Variants in ERBB3 observed in about 807,000 individuals in gnomAD.
The protein encoded by ERBB3 is erb-b2 receptor tyrosine kinase 3, also known as receptor tyrosine-protein kinase erbB-3.
In ERBB3, 96 loss-of-function variants were observed where a neutral mutation model predicts 156.7. That is an observed-to-expected ratio of 0.61 (90% confidence interval 0.52 to 0.73). ERBB3 has a LOEUF of 0.73. Ranked by LOEUF, ERBB3 falls within the 30% of genes least tolerant of loss-of-function variation. The pLI is 0.00. For missense variants in ERBB3, 1,406 were observed against 1,709.4 expected, an observed-to-expected ratio of 0.82 and a Z score of 3.13; for synonymous variants, 567 against 632.0, an observed-to-expected ratio of 0.90 and a Z score of 1.54.
chr12:56,100,917 C>T (rs1319818193), intron 26 of ERBB3, 144 bp from the exon 27 acceptor site: 19 of 673,360 alleles, frequency 2.8e-5, no homozygotes, highest in South Asian at 7.7e-5. Context: ...CCAGCCTGGG[C>T]GACAAGAACA....
At chr12:56,080,448 G>A in intron 1 of ERBB3, 66 bp downstream of exon 1, 4 of 1,291,318 alleles carry the variant, frequency 3.1e-6, no homozygotes, top group Non-Finnish European at 4.4e-6. Context: ...GCGCAGCCTC[G>A]GAGGGTATGG....
Position 56,086,511 on chromosome 12 carries a change from C to T in ERBB3, c.422-20C>T. 1 of 1,613,894 alleles carries T rather than the reference C, an allele frequency of 6.2e-7. No homozygotes were observed. The highest frequency in any genetic ancestry group is 8.5e-7 in the Non-Finnish European group (1 of 1,179,898). ...GTTCCGCTGCGGCCCTTAACCCTGTCACTTCTTTCCCTACCTCAGAGATTC... is the reference window on the plus strand; with the variant it reads ...GTTCCGCTGCGGCCCTTAACCCTGTTACTTCTTTCCCTACCTCAGAGATTC... On this transcript the variant is annotated intron_variant, in intron 3 of 27. Transcript: ENST00000267101.
intron 9 of ERBB3, among the ~76,000 whole-genome samples, chr12:56,091,283 T>TATATATATAATATATATAAATATAA (rs1565858486): frequency 1.4e-4 from 7 of 51,762 alleles, no homozygotes; most frequent in Non-Finnish European, 3.0e-4. Context: ...TATATATATA[T>TATATATATAATATATATAAATATAA]ATATATATAT....
Position 56,087,862 on chromosome 12 carries a change from C to T in ERBB3, c.681C>T (p.Cys227=), listed in dbSNP as rs2136794134. Residue 227 remains cysteine, a synonymous_variant, in exon 6 of 28, where the codon TGC becomes TGT. Coordinates refer to ENST00000267101, the MANE Select transcript of ERBB3 (RefSeq NM_001982.4). ...TTGGGCCCAACCCCAACCAGTGCTG[C>T]CATGATGAGTGTGCCGGGGGCTGCT... ...HCFGPNPNQC[C]HDECAGGCSG... The T allele has an allele frequency of 6.2e-7, 1 of 1,614,176 alleles. No homozygotes were observed. Among genetic ancestry groups the T allele is most frequent in the Non-Finnish European group, 8.5e-7 (1 of 1,180,032 alleles).
At chr12:56,086,819 G>A in intron 4 of ERBB3, 163 bp downstream of exon 4, 1 of 815,982 alleles carries the variant, frequency 1.2e-6, no homozygotes. Context: ...CCAGTCTCCT[G>A]GAATCTAAAC....
chr12:56,101,483 C>T lies in ERBB3; in HGVS notation c.3503-46C>T, dbSNP rs781557723. ...TTAATTTTTTCAAACTTTCCCCTAC[C>T]CTCATGAAGTTCTTCACATACCTAG... is the stretch of plus-strand genomic sequence containing the variant. On this transcript the variant is annotated intron_variant, in intron 27 of 27. Coordinates refer to ENST00000267101, the MANE Select transcript of ERBB3 (RefSeq NM_001982.4). 3.1e-6 allele frequency: 5 copies of T among 1,606,230 alleles called. No individual in the cohort carries two copies. The East Asian group carries it at 8.9e-5, about 29-fold the overall frequency.
Position 56,103,377 on chromosome 12 carries a change from A to T in ERBB3, c.*1322A>T, listed in dbSNP as rs961227854. On this transcript the variant is annotated 3_prime_UTR_variant, in exon 28 of 28. Coordinates refer to ENST00000267101, the MANE Select transcript of ERBB3 (RefSeq NM_001982.4). ...GAAGCTTCCAGGTAGGACAGAAAAA[A>T]GATCCAGCTTCAGCTGCACACCTCT... 137 of 218,446 alleles carry T rather than the reference A, an allele frequency of 6.3e-4. 2 individuals are homozygous for T. The highest frequency in any genetic ancestry group is 6.4e-5 in the Non-Finnish European group (7 of 108,764). The allele number at this position is 218,446 out of a possible 1,614,324, so 13.5% of individuals were successfully genotyped here.
At chr12:56,080,132 A>C, upstream of ERBB3, 1 of 657,248 alleles carries the variant, frequency 1.5e-6, no homozygotes, top group Non-Finnish European at 2.8e-6. Context: ...CTCCCCTGCC[A>C]TCCCTCCCCG....
At chr12:56,087,472 G>T in intron 4 of ERBB3, 105 bp from the exon 5 acceptor site, 1 of 1,002,370 alleles carries the variant, frequency 1.0e-6, no homozygotes, top group Non-Finnish European at 1.6e-6. Flanking sequence ...CTGGCTTTTT[G>T]CTTCCCGGGA....
Position 56,099,937 on chromosome 12 carries a change from CTAGACT to C in ERBB3, c.3039_3044del (p.Asp1014_Leu1015del), listed in dbSNP as rs1182151415. ...GCTGGAGCCAGAACTAGACCTAGAC[CTAGACT>C]TGGAAGCAGAGGAGGACAACCTGGC... is the stretch of plus-strand genomic sequence containing the variant. On this transcript the variant is annotated inframe_deletion, in exon 25 of 28. Coordinates refer to ENST00000267101, the MANE Select transcript of ERBB3 (RefSeq NM_001982.4). The C allele has an allele frequency of 1.2e-6, 2 of 1,614,198 alleles. No homozygotes were observed. Among genetic ancestry groups the C allele is most frequent in the Non-Finnish European group, 8.5e-7 (1 of 1,180,026 alleles).
At chr12:56,084,955 C>G in intron 2 of ERBB3, 40 bp from the exon 3 acceptor site, 2 of 1,613,384 alleles carry the variant, frequency 1.2e-6, no homozygotes, top group Non-Finnish European at 1.7e-6. Context: ...ATTATTTTGC[C>G]CTGTTGTCTC....
intron 23 of ERBB3, 54 bp downstream of exon 23, chr12:56,098,959 T>TC: frequency 6.8e-7 from 1 of 1,465,642 alleles, no homozygotes; most frequent in Non-Finnish European, 9.2e-7. Flanking sequence ...TTTTTTCTTT[T>TC]TTTTTTTTTT....
At chr12:56,098,107 T>C in intron 21 of ERBB3, 167 bp downstream of exon 21, 1 of 707,276 alleles carries the variant, frequency 1.4e-6, no homozygotes, top group African/African-American at 1.8e-5. Flanking sequence ...AAAATAATGA[T>C]CAAGAACTTG....
At chr12:56,092,389 CAAAAAAAAAAAAA>C (rs60865127) in intron 9 of ERBB3, among the ~76,000 whole-genome samples, 145 of 42,872 alleles carry the variant, frequency 3.4e-3, no homozygotes, top group Admixed American at 0.011. Flanking sequence ...GACTCTGTCT[CAAAAAAAAAAAAA>C]AAAAAAAAAA....
chr12:56,094,659 C>T, intron 15 of ERBB3, 103 bp downstream of exon 15: 2 of 1,403,302 alleles, frequency 1.4e-6, no homozygotes, highest in Non-Finnish European at 9.8e-7. Flanking sequence ...ATTCAAGAAT[C>T]ACTCCCAGCT....
chr12:56,091,693 A>C (rs1004323863), intron 9 of ERBB3, among the ~76,000 whole-genome samples: 2 of 152,038 alleles, frequency 1.3e-5, no homozygotes, highest in Admixed American at 6.6e-5. Flanking sequence ...TTGAGGATGT[A>C]CGTGATGTTG....
chr12:56,093,136 T>C (rs922385001), intron 11 of ERBB3, 60 bp downstream of exon 11: 1 of 1,352,630 alleles, frequency 7.4e-7, no homozygotes, highest in Non-Finnish European at 1.1e-6. Flanking sequence ...GTCATAGGCA[T>C]TCTTTAGTAA....
chr12:56,082,906 G>A (rs1868371138), intron 1 of ERBB3, among the ~76,000 whole-genome samples: 1 of 152,152 alleles, frequency 6.6e-6, no homozygotes, highest in South Asian at 2.1e-4. Context: ...CTCTCTCCAG[G>A]TTCCTCTGTA....
intron 23 of ERBB3, among the ~76,000 whole-genome samples, chr12:56,099,233 G>C (rs1481173548): frequency 6.6e-6 from 1 of 151,662 alleles, no homozygotes; most frequent in Non-Finnish European, 1.5e-5. Flanking sequence ...TGGGATTACA[G>C]GTGTGAGCCA....
Sources: gnomAD v4.1 joint callset for allele counts (sites outside exome capture counted in the v4.1 genomes callset) on GRCh38, gnomAD v4.1.1 for gene constraint, MANE v1.5 for transcripts, NCBI Gene and HGNC (gene_info 2026-07-23, HGNC 2026-07-21) for gene names.